LRRC37B: variants seen among roughly 807,000 people sequenced by gnomAD.
The protein encoded by LRRC37B is leucine-rich repeat-containing protein 37B.
LRRC37B carries 28 observed loss-of-function variants against 98.3 expected under a neutral mutation model. That is an observed-to-expected ratio of 0.28 (90% CI 0.21 to 0.39). The LOEUF (loss-of-function observed/expected upper bound fraction) is 0.39. Among genes scored for constraint, LRRC37B ranks in the 10% least tolerant of loss-of-function variants. The pLI is 1.00. For missense variants in LRRC37B, 938 were observed against 1,182.7 expected (o/e 0.79, Z 3.03); for synonymous variants, 364 against 442.7 (o/e 0.82, Z 2.23).
rs1464625449 is a variant in LRRC37B at position 32,032,399 on chromosome 17, C to T, written c.2057+941C>T. On this transcript the variant is annotated intron_variant, in intron 5 of 11. Coordinates refer to ENST00000327564, the Ensembl canonical transcript of LRRC37B. ...AAAAAATTTTGTAAAGAAAATACAT[C>T]GCTCTACTTTAATTCCATATACTTT... 4.6e-5 allele frequency among the ~76,000 whole-genome samples: 7 copies of T among 152,330 alleles called. No homozygotes were observed. The South Asian group carries it at 6.2e-4, about 14-fold the overall frequency.
exon 1 of LRRC37B, chr17:32,022,309 A>G: frequency 6.2e-7 from 1 of 1,613,886 alleles, no homozygotes. Flanking sequence ...AGGACTACAG[A>G]TCCTCCTCCA....
chr17:32,023,196 A>G (rs1202733397), intron 1 of LRRC37B, among the ~76,000 whole-genome samples: 2 of 143,586 alleles, frequency 1.4e-5, no homozygotes, highest in Non-Finnish European at 3.0e-5. Context: ...GTCTTGGCTC[A>G]CCGCAACCTC....
At chr17:32,043,947 C>G (rs1054164383) in intron 7 of LRRC37B, among the ~76,000 whole-genome samples, 6 of 151,514 alleles carry the variant, frequency 4.0e-5, no homozygotes, top group African/African-American at 1.5e-4. Context: ...GTGTGCCAGA[C>G]ATTTTTCAGG....
At chr17:32,048,730 G>A (rs547892164) in intron 9 of LRRC37B, among the ~76,000 whole-genome samples, 93 of 152,324 alleles carry the variant, frequency 6.1e-4, no homozygotes, top group Non-Finnish European at 6.3e-4. Flanking sequence ...TCAACAGACC[G>A]ATGCTCGCAA....
At chr17:32,047,733 A>G (rs1911629182) in intron 8 of LRRC37B, 28 bp from the exon 12 acceptor site, 9 of 1,613,986 alleles carry the variant, frequency 5.6e-6, no homozygotes, top group Non-Finnish European at 7.6e-6. Flanking sequence ...ATATTTCATG[A>G]TCAAAGCAGT....
intron 2 of LRRC37B, among the ~76,000 whole-genome samples, chr17:32,026,515 A>G (rs1437197216): frequency 1.3e-5 from 2 of 151,652 alleles, no homozygotes; most frequent in East Asian, 1.9e-4. Flanking sequence ...TGCAAGTTCC[A>G]CCTCCCGGGT....
upstream of LRRC37B, among the ~76,000 whole-genome samples, chr17:32,018,259 G>GAT: frequency 6.6e-6 from 1 of 152,216 alleles, no homozygotes; most frequent in Non-Finnish European, 1.5e-5. Flanking sequence ...CCAAGGAGGT[G>GAT]GAGGTTGTGG....
chr17:32,016,012 A>G (rs1352288127), upstream of LRRC37B, among the ~76,000 whole-genome samples: 1 of 152,244 alleles, frequency 6.6e-6, no homozygotes, highest in African/African-American at 2.4e-5. Flanking sequence ...ATATATAGGC[A>G]AACTTTTTAT....
At chr17:32,046,832 T>G (rs1422838056) in intron 8 of LRRC37B, among the ~76,000 whole-genome samples, 1 of 152,056 alleles carries the variant, frequency 6.6e-6, no homozygotes, top group South Asian at 2.1e-4. Context: ...CAAAATACTT[T>G]TAATTCTGGA....
At chr17:32,022,949 C>T in intron 1 of LRRC37B, 124 bp downstream of exon 4, 1 of 902,822 alleles carries the variant, frequency 1.1e-6, no homozygotes, top group Non-Finnish European at 1.7e-6. Flanking sequence ...TCTGCTTTCA[C>T]CTTTGCCTGT....
intron 7 of LRRC37B, chr17:32,041,780 G>A (rs563896818): frequency 1.2e-4 from 54 of 458,412 alleles, no homozygotes; most frequent in African/African-American, 8.0e-4. Context: ...CCATGGCGCC[G>A]GCCTCCTCCC....
chr17:32,018,893 A>T (rs1342917302), upstream of LRRC37B, among the ~76,000 whole-genome samples: 1 of 152,040 alleles, frequency 6.6e-6, no homozygotes, highest in Non-Finnish European at 1.5e-5. Flanking sequence ...ATAGGAGTAT[A>T]AAGGAGCTCT....
At chr17:32,011,048 G>A (rs1172492644) in intron 1 of LRRC37B, among the ~76,000 whole-genome samples, 1 of 150,808 alleles carries the variant, frequency 6.6e-6, no homozygotes, top group Non-Finnish European at 1.5e-5. Context: ...CTAGGCTGGA[G>A]TGCAGTGGCA....
chr17:32,020,950 G>T, upstream of LRRC37B: 1 of 1,459,244 alleles, frequency 6.9e-7, no homozygotes, highest in East Asian at 2.5e-5. Context: ...GGCCTGGCGG[G>T]GTGGGAAGGG....
upstream of LRRC37B, chr17:32,007,818 C>T (rs1910444089): frequency 1.5e-5 from 18 of 1,180,898 alleles, no homozygotes; most frequent in Non-Finnish European, 1.8e-5. This position sits in a 1 kb window ranked among gnomAD's most constrained non-coding sequence, Gnocchi z 4.1. Flanking sequence ...CAGCAGTAGC[C>T]GGAGGAAGCC....
intron 2 of LRRC37B, among the ~76,000 whole-genome samples, chr17:32,027,376 TGTG>T (rs1301900771): frequency 2.7e-5 from 4 of 149,570 alleles, no homozygotes; most frequent in African/African-American, 7.4e-5. Context: ...TGTGTGTGCT[TGTG>T]TGTGTGTGCT....
At chr17:32,013,784 C>T (rs1414272847) in intron 1 of LRRC37B, among the ~76,000 whole-genome samples, 1 of 151,292 alleles carries the variant, frequency 6.6e-6, no homozygotes, top group Non-Finnish European at 1.5e-5. Context: ...TGTATCTATA[C>T]TTTCAATGTA....
chr17:32,050,006 A>G lies in LRRC37B; in HGVS notation c.2761A>G (p.Met921Val), dbSNP rs749828375. 8 of 1,467,622 alleles carry G rather than the reference A, an allele frequency of 5.5e-6. No homozygotes were observed. The South Asian group carries it at 8.0e-5, about 15-fold the overall frequency. 90.9% of individuals were successfully genotyped at this position (1,467,622 alleles called of 1,614,324 possible). The change falls in exon 11 of 12, where the codon ATG (methionine) becomes GTG (valine). Residue 921 changes from methionine to valine, a missense_variant. By Grantham distance (21) the Met-to-Val change is conservative. Transcript: ENST00000327564. ...CTTTTTTTTTTCTTTTTTTTAGCTCATGAAAGAAGTTCCAGGAGATGACTA... is the reference window on the plus strand; with the variant it reads ...CTTTTTTTTTTCTTTTTTTTAGCTCGTGAAAGAAGTTCCAGGAGATGACTA...
At chr17:32,013,170 C>G (rs568038165) in intron 1 of LRRC37B, among the ~76,000 whole-genome samples, 1 of 152,054 alleles carries the variant, frequency 6.6e-6, no homozygotes, top group Non-Finnish European at 1.5e-5. Context: ...TATTCGTTTA[C>G]TTTCAATTTA....
Sources: gnomAD v4.1 joint callset for allele counts (sites outside exome capture counted in the v4.1 genomes callset) on GRCh38, gnomAD v4.1.1 for gene constraint, Gnocchi (gnomAD v3.1) non-coding constraint, MANE v1.5 for transcripts, NCBI Gene and HGNC (gene_info 2026-07-23, HGNC 2026-07-21) for gene names.